CCSER2: variants seen among roughly 807,000 people sequenced by gnomAD.
CCSER2 encodes the protein coiled-coil serine rich protein 2.
A neutral mutation model predicts 92.3 loss-of-function variants in CCSER2; 46 were observed. The ratio of observed to expected loss-of-function variants is 0.50; its 90% CI spans 0.39 to 0.64. The LOEUF is 0.64. CCSER2 is among the 30% of genes least tolerant of loss of function. The pLI is 0.00. For synonymous variants in CCSER2, 433 were observed against 431.4 expected (o/e 1.00, Z -0.04); for missense variants, 1,244 against 1,238.9 (o/e 1.00, Z -0.06).
At chr10:84,343,804 G>T (rs1225515040) in intron 1 of CCSER2, among the ~76,000 whole-genome samples, 1 of 152,168 alleles carries the variant, frequency 6.6e-6, no homozygotes, top group Non-Finnish European at 1.5e-5. Context: ...GAGATTAAAA[G>T]TTTGCAGGTA....
intron 1 of CCSER2, among the ~76,000 whole-genome samples, chr10:84,336,525 T>C (rs940041334): frequency 6.6e-6 from 1 of 152,136 alleles, no homozygotes; most frequent in East Asian, 1.9e-4. Flanking sequence ...TATGCAGATA[T>C]TAGGAGAGAG....
intron 5 of CCSER2, among the ~76,000 whole-genome samples, chr10:84,435,635 G>C (rs904831971): frequency 6.8e-5 from 4 of 58,936 alleles, no homozygotes; most frequent in African/African-American, 3.0e-4. Context: ...TACCCATTCA[G>C]TGCAAAAAAA....
chr10:84,348,247 T>C (rs1429241526), intron 1 of CCSER2, among the ~76,000 whole-genome samples: 1 of 152,150 alleles, frequency 6.6e-6, no homozygotes, highest in Non-Finnish European at 1.5e-5. Context: ...GGTTAGGAGC[T>C]GGAGACCCGC....
chr10:84,375,404 T>C (rs760943958), intron 3 of CCSER2, among the ~76,000 whole-genome samples: 12 of 152,182 alleles, frequency 7.9e-5, no homozygotes, highest in Non-Finnish European at 1.5e-4. Context: ...AGAGAGTTGA[T>C]GGCAAAAGTT....
intron 9 of CCSER2, among the ~76,000 whole-genome samples, chr10:84,491,998 G>A (rs1589806254): frequency 6.6e-6 from 1 of 152,046 alleles, no homozygotes; most frequent in Admixed American, 6.5e-5. Flanking sequence ...TTGATTTCTG[G>A]GCCATGTGCG....
At chr10:84,389,015 A>G (rs1228725349) in intron 3 of CCSER2, among the ~76,000 whole-genome samples, 1 of 152,154 alleles carries the variant, frequency 6.6e-6, no homozygotes, top group African/African-American at 2.4e-5. Context: ...ATCACAGAAT[A>G]ACCATTCGCA....
At chr10:84,479,660 T>G (rs1847347246) in intron 9 of CCSER2, among the ~76,000 whole-genome samples, 1 of 152,152 alleles carries the variant, frequency 6.6e-6, no homozygotes, top group Non-Finnish European at 1.5e-5. Context: ...AATACATGTG[T>G]AAATATAAAG....
chr10:84,451,180 A>C (rs771794717), intron 6 of CCSER2, among the ~76,000 whole-genome samples: 2 of 152,170 alleles, frequency 1.3e-5, no homozygotes, highest in African/African-American at 4.8e-5. Context: ...GAGAATAGGA[A>C]ACATAGAAAT....
intron 3 of CCSER2, among the ~76,000 whole-genome samples, chr10:84,398,184 T>A (rs1564628436): frequency 6.6e-6 from 1 of 152,174 alleles, no homozygotes; most frequent in African/African-American, 2.4e-5. Context: ...AAAAACTGCC[T>A]TTGGTTCATG....
At chr10:84,484,212 G>A (rs965558511) in intron 9 of CCSER2, among the ~76,000 whole-genome samples, 7 of 151,356 alleles carry the variant, frequency 4.6e-5, no homozygotes, top group South Asian at 4.2e-4. Flanking sequence ...TCCTGATCTC[G>A]TGATCCACCT....
intron 9 of CCSER2, chr10:84,500,008 G>A: frequency 1.2e-6 from 2 of 1,612,812 alleles, no homozygotes; most frequent in Non-Finnish European, 1.7e-6. Context: ...CCCCTTCATG[G>A]TATTTCCCTT....
intron 1 of CCSER2, among the ~76,000 whole-genome samples, chr10:84,370,194 G>A (rs74768270): frequency 0.022 from 3,273 of 152,150 alleles, 95 homozygotes; most frequent in Admixed American, 0.074. Context: ...GATACAAATT[G>A]CATTGAATCT....
In CCSER2 at chr10:84,371,497, T is replaced by C; in HGVS notation, c.445T>C (p.Leu149=). Residue 149 remains leucine (L), a synonymous_variant, in exon 2 of 10, where the codon TTG becomes CTG. Transcript: ENST00000372088. ...NQKSFSGPSN[L]GKFTKGTLLG... The stretch of plus-strand genomic sequence containing the variant: ...AAAGTCTTTTTCTGGACCATCTAAT[T>C]TGGGTAAATTCACCAAAGGCACATT... 1 of 1,613,854 alleles carries C rather than the reference T, an allele frequency of 6.2e-7. No individual in the cohort carries two copies. Among genetic ancestry groups the C allele is most frequent in the Non-Finnish European group, 8.5e-7 (1 of 1,179,856 alleles).
intron 8 of CCSER2, chr10:84,473,163 T>C (rs903173636): frequency 9.2e-5 from 14 of 152,112 alleles, no homozygotes; most frequent in African/African-American, 2.7e-4. Flanking sequence ...ACCTTGAAAT[T>C]CTCTGTACTC....
At chr10:84,432,701 C>A (rs1843852061) in intron 5 of CCSER2, among the ~76,000 whole-genome samples, 1 of 152,092 alleles carries the variant, frequency 6.6e-6, no homozygotes, top group Non-Finnish European at 1.5e-5. Context: ...GTACTTTTTG[C>A]AGGACAGATT....
chr10:84,495,417 A>G (rs1287250970), intron 9 of CCSER2, among the ~76,000 whole-genome samples: 1 of 152,190 alleles, frequency 6.6e-6, no homozygotes, highest in Non-Finnish European at 1.5e-5. Context: ...GATTCTTGAA[A>G]AGATTGCTTT....
intron 3 of CCSER2, among the ~76,000 whole-genome samples, chr10:84,381,572 G>A (rs889473085): frequency 6.6e-6 from 1 of 152,108 alleles, no homozygotes; most frequent in Non-Finnish European, 1.5e-5. Flanking sequence ...TGATACATGC[G>A]AGGCAGAGGG....
At chr10:84,419,102 G>T (rs1843013720) in intron 4 of CCSER2, among the ~76,000 whole-genome samples, 1 of 152,052 alleles carries the variant, frequency 6.6e-6, no homozygotes, top group Non-Finnish European at 1.5e-5. Flanking sequence ...ATGGTCACAA[G>T]ATTTTTTGAA....
intron 6 of CCSER2, among the ~76,000 whole-genome samples, chr10:84,442,275 G>T (rs1401343531): frequency 6.6e-6 from 1 of 152,080 alleles, no homozygotes; most frequent in Admixed American, 6.5e-5. Flanking sequence ...TAAAAAAAAT[G>T]TAAAGGACAA....
Sources: gnomAD v4.1 joint callset for allele counts (sites outside exome capture counted in the v4.1 genomes callset) on GRCh38, gnomAD v4.1.1 for gene constraint, MANE v1.5 for transcripts, NCBI Gene and HGNC (gene_info 2026-07-23, HGNC 2026-07-21) for gene names.